Variants in OPRM1 observed in about 807,000 individuals in gnomAD.
OPRM1 encodes the protein mu-type opioid receptor.
Under a neutral mutation model 31.8 loss-of-function variants are expected in OPRM1, and 27 were observed. The observed-to-expected ratio is 0.85, with a 90% confidence interval of 0.63 to 1.17. OPRM1 has a LOEUF of 1.17. OPRM1 is among the 50% of genes most tolerant of loss of function. OPRM1 has a pLI of 0.00. For synonymous variants in OPRM1, 196 were observed against 189.9 expected (o/e 1.03, Z -0.26); for missense variants, 536 against 511.1 (o/e 1.05, Z -0.47).
intron 3 of OPRM1, among the ~76,000 whole-genome samples, chr6:154,204,741 C>T (rs376532827): frequency 7.8e-4 from 119 of 152,254 alleles, no homozygotes; most frequent in African/African-American, 2.7e-3. Flanking sequence ...CCCAGTCCAT[C>T]CTCCAAACCA....
intron 3 of OPRM1, among the ~76,000 whole-genome samples, chr6:154,144,286 T>G (rs1178363022): frequency 6.6e-6 from 1 of 152,178 alleles, no homozygotes; most frequent in African/African-American, 2.4e-5. Context: ...TTTGAGAAAA[T>G]TGAAGAGAAC....
rs1324185888 is a variant in OPRM1, at chr6:154,128,063, T to G, written c.*9342T>G. On this transcript the variant is annotated 3_prime_UTR_variant, in exon 4 of 4. Transcript: ENST00000330432. Reference sequence around the variant, plus strand: ...GCTACCGCATCTGTATAAATTAGGTTCAAATAACAGAGTATTTCCAGGATT... The same window carrying G: ...GCTACCGCATCTGTATAAATTAGGTGCAAATAACAGAGTATTTCCAGGATT... 7.9e-5 allele frequency among the ~76,000 whole-genome samples: 12 copies of G among 152,236 alleles called. No individual in the cohort carries two copies. The highest frequency in any genetic ancestry group is 7.2e-4 in the Admixed American group (11 of 15,282).
chr6:154,060,208 T>C (rs956126117), intron 1 of OPRM1, among the ~76,000 whole-genome samples: 4 of 152,156 alleles, frequency 2.6e-5, no homozygotes, highest in African/African-American at 7.2e-5. Context: ...GGCATCCTGC[T>C]CCATATCCTT....
In OPRM1 at chr6:154,126,930, T is replaced by C. The variant is rs1200873829; in HGVS notation, c.*8209T>C. On this transcript the variant is annotated 3_prime_UTR_variant, in exon 4 of 4. Coordinates refer to ENST00000330432, the MANE Select transcript of OPRM1 (RefSeq NM_000914.5). ...ATCAAGACCATCCTGGCCAATATGG[T>C]AAAACCCCATCTCTACTAAAAATAC... Among the ~76,000 whole-genome samples, 1 of 151,988 alleles carries C rather than the reference T, an allele frequency of 6.6e-6. No individual in the cohort carries two copies. Among genetic ancestry groups the C allele is most frequent in the Non-Finnish European group, 1.5e-5 (1 of 68,006 alleles).
chr6:154,181,547 A>C (rs1411633575), intron 3 of OPRM1, among the ~76,000 whole-genome samples: 1 of 152,240 alleles, frequency 6.6e-6, no homozygotes. Flanking sequence ...AAGTCAGTGA[A>C]GACTATATAT....
In OPRM1 at chr6:154,204,670, T is replaced by G. The variant is rs370526858; in HGVS notation, c.1165-42023T>G. Among the ~76,000 whole-genome samples the G allele has an allele frequency of 3.3e-5, 5 of 152,252 alleles. No homozygotes were observed. The East Asian group carries it at 9.7e-4, about 29-fold the overall frequency. ...TAGTATCCATGTGACCTTGAAGAAG[T>G]CATTTTACCTGCAAGTACCATTCTA... is the stretch of plus-strand genomic sequence containing the variant. On this transcript the variant is annotated intron_variant, in intron 3 of 3. Coordinates refer to the OPRM1 transcript ENST00000337049.
chr6:154,080,844 A>G (rs1197215551), intron 1 of OPRM1, among the ~76,000 whole-genome samples: 1 of 152,236 alleles, frequency 6.6e-6, no homozygotes, highest in Non-Finnish European at 1.5e-5. Context: ...CTGTTAGACA[A>G]TGATATTATC....
chr6:154,232,668 A>G (rs1296348909), intron 3 of OPRM1, among the ~76,000 whole-genome samples: 1 of 152,230 alleles, frequency 6.6e-6, no homozygotes, highest in Non-Finnish European at 1.5e-5. Context: ...TGGCACAGAA[A>G]AAAACAACCC....
At chr6:154,094,381 A>G in intron 3 of OPRM1, 1 of 444,690 alleles carries the variant, frequency 2.2e-6, no homozygotes, top group Non-Finnish European at 4.4e-6. Flanking sequence ...ATACTTACAC[A>G]GTTAAGAGCT....
intron 3 of OPRM1, among the ~76,000 whole-genome samples, chr6:154,202,451 T>C (rs1777148664): frequency 6.6e-6 from 1 of 152,190 alleles, no homozygotes; most frequent in Non-Finnish European, 1.5e-5. Flanking sequence ...AAAATAAATA[T>C]TAACAAAAAT....
intron 3 of OPRM1, among the ~76,000 whole-genome samples, chr6:154,200,762 A>G (rs768535730): frequency 6.6e-6 from 1 of 152,190 alleles, no homozygotes; most frequent in Non-Finnish European, 1.5e-5. Context: ...CATTCCAGAA[A>G]CAAAATACGA....
chr6:154,118,861 T>C lies in OPRM1; in HGVS notation c.*140T>C, dbSNP rs967173512. ...TAGGTCATCCAACCTCTTTCCTCTC[T>C]GGCCACTCTGCTCTGCACATTAGAG... is the stretch of plus-strand genomic sequence containing the variant. On this transcript the variant is annotated 3_prime_UTR_variant, in exon 4 of 4. Transcript: ENST00000330432. 6.7e-7 allele frequency: 1 copy of C among 1,502,110 alleles called. No homozygotes were observed. The highest frequency in any genetic ancestry group is 8.8e-7 in the Non-Finnish European group (1 of 1,134,626). The allele number at this position is 1,502,110 out of a possible 1,614,324, so 93.0% of individuals were successfully genotyped here. A position where few individuals can be genotyped will look rare whatever the true frequency, so the allele number is the denominator to read the frequency against.
At chr6:154,034,295 A>G (rs1459673949), upstream of OPRM1, among the ~76,000 whole-genome samples, 7 of 152,256 alleles carry the variant, frequency 4.6e-5, no homozygotes, top group Non-Finnish European at 7.3e-5. Context: ...CTGTAATCCC[A>G]GCACTTTGGG....
intron 3 of OPRM1, among the ~76,000 whole-genome samples, chr6:154,100,340 G>T (rs943296392): frequency 6.7e-6 from 1 of 149,530 alleles, no homozygotes; most frequent in African/African-American, 2.5e-5. Context: ...CATCCCCATT[G>T]CCAGTGGTGT....
chr6:154,094,461 T>G (rs536942984), intron 3 of OPRM1: 1 of 359,310 alleles, frequency 2.8e-6, no homozygotes, highest in South Asian at 2.1e-5. Flanking sequence ...ATTTATTTAG[T>G]TTACAATTCT....
intron 1 of OPRM1, among the ~76,000 whole-genome samples, chr6:154,081,492 T>C (rs959252504): frequency 7.9e-5 from 12 of 151,616 alleles, no homozygotes; most frequent in African/African-American, 2.7e-4. Flanking sequence ...GGCAACAGAG[T>C]GAGACTCCAT....
chr6:154,244,301 GGTGTGTGTGT>G (rs10674508), intron 3 of OPRM1, among the ~76,000 whole-genome samples: 1 of 147,956 alleles, frequency 6.8e-6, no homozygotes, highest in African/African-American at 2.5e-5. Context: ...TGTGTGGGTG[GGTGTGTGTGT>G]GTGTGTGTGT....
At chr6:154,199,422 A>G (rs2128590985) in intron 3 of OPRM1, among the ~76,000 whole-genome samples, 1 of 152,336 alleles carries the variant, frequency 6.6e-6, no homozygotes, top group South Asian at 2.1e-4. Flanking sequence ...TTATTTTATG[A>G]TCACATGTCT....
chr6:154,035,391 AG>A (rs569190693), upstream of OPRM1, among the ~76,000 whole-genome samples: 142 of 152,268 alleles, frequency 9.3e-4, no homozygotes, highest in Admixed American at 3.2e-3. Flanking sequence ...CCAGTGATCA[AG>A]GATAATATTG....
Sources: gnomAD v4.1 joint callset for allele counts (sites outside exome capture counted in the v4.1 genomes callset) on GRCh38, gnomAD v4.1.1 for gene constraint, MANE v1.5 for transcripts, NCBI Gene and HGNC (gene_info 2026-07-23, HGNC 2026-07-21) for gene names.